Variants in SH2D1A observed in about 807,000 individuals in gnomAD.
The protein encoded by SH2D1A is SH2 domain containing 1A.
In SH2D1A, 6 loss-of-function variants were observed where a neutral mutation model predicts 10.1. That is an observed-to-expected ratio of 0.60 (90% CI 0.33 to 1.18). SH2D1A has a LOEUF of 1.18. Among genes scored for constraint, SH2D1A ranks in the 50% most tolerant of loss-of-function variants. SH2D1A has a pLI of 0.04. For missense variants in SH2D1A, 51 were observed against 97.6 expected (o/e 0.52, Z 2.01); for synonymous variants, 42 against 36.9 (o/e 1.14, Z -0.51).
At chrX:124,348,524 C>A (rs1327919297) in intron 1 of SH2D1A, among the ~76,000 whole-genome samples, 1 of 111,283 alleles carries the variant, frequency 9.0e-6, no homozygotes, top group Non-Finnish European at 1.9e-5. Flanking sequence ...TTCCTTCTGC[C>A]CAAAATACCT....
intron 1 of SH2D1A, among the ~76,000 whole-genome samples, chrX:124,358,286 C>CTT (rs1471745975): frequency 9.0e-6 from 1 of 111,440 alleles, no homozygotes; most frequent in East Asian, 2.8e-4. Context: ...GTATGAAAAT[C>CTT]TTTGTCAAAT....
At chrX:124,349,845 A>T (rs1184627383) in intron 1 of SH2D1A, among the ~76,000 whole-genome samples, 1 of 109,296 alleles carries the variant, frequency 9.1e-6, no homozygotes, top group Non-Finnish European at 1.9e-5. Context: ...ATTTCTTTCA[A>T]TTACTTTCTC....
chrX:124,348,954 C>T (rs2060000595), intron 1 of SH2D1A, among the ~76,000 whole-genome samples: 1 of 112,221 alleles, frequency 8.9e-6, no homozygotes, highest in Non-Finnish European at 1.9e-5. Flanking sequence ...GTGTATCCTA[C>T]CTTCTGCAAA....
At chrX:124,352,465 A>C (rs1197451821) in intron 1 of SH2D1A, among the ~76,000 whole-genome samples, 1 of 111,575 alleles carries the variant, frequency 9.0e-6, no homozygotes, top group Non-Finnish European at 1.9e-5. Flanking sequence ...CATTTTATTA[A>C]GTTAAAAAAA....
intron 2 of SH2D1A, among the ~76,000 whole-genome samples, chrX:124,369,765 T>G (rs1367364494): frequency 9.0e-6 from 1 of 111,215 alleles, no homozygotes; most frequent in African/African-American, 3.3e-5. Context: ...CTCAGGCTTT[T>G]TATTAATGAC....
At chrX:124,358,384 G>A (rs565829380) in intron 1 of SH2D1A, among the ~76,000 whole-genome samples, 4 of 111,982 alleles carry the variant, frequency 3.6e-5, no homozygotes, top group Admixed American at 9.5e-5. Flanking sequence ...TATAGGTCTC[G>A]TTATATAACT....
chrX:124,353,485 T>A (rs1260655900), intron 1 of SH2D1A, among the ~76,000 whole-genome samples: 2 of 106,916 alleles, frequency 1.9e-5, no homozygotes, highest in African/African-American at 6.8e-5. Flanking sequence ...ATGCAGATAG[T>A]TTTTTTTTTA....
chrX:124,371,278 TA>T, intron 3 of SH2D1A, 72 bp from the exon 4 acceptor site: 1 of 720,431 alleles, frequency 1.4e-6, no homozygotes, highest in Non-Finnish European at 2.1e-6. Context: ...GGAAATTTTA[TA>T]AGTTTGAGTT....
intron 1 of SH2D1A, among the ~76,000 whole-genome samples, chrX:124,365,541 C>CA (rs1449676611): frequency 1.8e-5 from 2 of 110,802 alleles, no homozygotes; most frequent in South Asian, 7.6e-4. Context: ...TTCCATATTT[C>CA]AAAAAATGAA....
In SH2D1A at chrX:124,371,785, G is replaced by T. The variant is rs2060069987; in HGVS notation, c.*394G>T. The stretch of plus-strand genomic sequence containing the variant: ...TAATTTTAAAATGTCTTGCTTGATT[G>T]TATGGTGGGAAGTTGGCTGGTGTCC... On this transcript the variant is annotated 3_prime_UTR_variant, in exon 4 of 4. Transcript: ENST00000371139. The T allele has an allele frequency of 1.2e-5, 2 of 167,215 alleles. No individual in the cohort carries two copies. Among genetic ancestry groups the T allele is most frequent in the African/African-American group, 3.0e-5 (1 of 32,919 alleles). The allele number at this position is 167,215 out of a possible 1,213,427, so 13.8% of individuals were successfully genotyped here.
Position 124,371,692 on chromosome X carries a change from A to C in SH2D1A, c.*301A>C, listed in dbSNP as rs1236861343. On this transcript the variant is annotated 3_prime_UTR_variant, in exon 4 of 4. Transcript: ENST00000371139. ...GGATTAATGTCAATTCTTGCCAAATATAAATAAAAATAATCCTCAGTTTTT... is the reference window on the plus strand; with the variant it reads ...GGATTAATGTCAATTCTTGCCAAATCTAAATAAAAATAATCCTCAGTTTTT... 1.6e-5 allele frequency: 3 copies of C among 191,414 alleles called. No homozygotes were observed. Among genetic ancestry groups the C allele is most frequent in the Admixed American group, 7.8e-5 (1 of 12,859 alleles). 15.8% of individuals were successfully genotyped at this position (191,414 alleles called of 1,213,427 possible).
intron 1 of SH2D1A, among the ~76,000 whole-genome samples, chrX:124,350,432 T>G (rs1173809275): frequency 3.4e-5 from 1 of 29,808 alleles, no homozygotes; most frequent in African/African-American, 1.3e-4. Context: ...TATTATATAC[T>G]ATATATAATA....
intron 1 of SH2D1A, among the ~76,000 whole-genome samples, chrX:124,356,859 T>G (rs1223374846): frequency 8.9e-6 from 1 of 112,363 alleles, no homozygotes; most frequent in African/African-American, 3.2e-5. Context: ...TATATATTTA[T>G]TTCTAAACTG....
rs1569527577 is a variant in SH2D1A at position 124,365,806 on chromosome X, A to G, written c.183A>G (p.Thr61=). 8.6e-7 allele frequency: 1 copy of G among 1,163,468 alleles called. No individual in the cohort carries two copies. Among genetic ancestry groups the G allele is most frequent in the East Asian group, 3.0e-5 (1 of 33,624 alleles). The stretch of plus-strand genomic sequence containing the variant: ...CATACCGAGTGTCCCAGACAGAAAC[A>G]GGTTCTTGGAGTGCTGAGGTATAGT... ...IYTYRVSQTE[T]GSWSAETAPG... Residue 61 remains threonine (T), a synonymous_variant, in exon 2 of 4, where the codon ACA becomes ACG. Coordinates refer to ENST00000371139, the MANE Select transcript of SH2D1A (RefSeq NM_002351.5).
intron 1 of SH2D1A, among the ~76,000 whole-genome samples, chrX:124,362,909 G>A (rs1428715220): frequency 9.0e-6 from 1 of 110,786 alleles, no homozygotes; most frequent in Non-Finnish European, 1.9e-5. Context: ...GATAGGATTG[G>A]GGGCCTTATT....
Position 124,371,417 on chromosome X carries a change from A to T in SH2D1A, c.*26A>T, listed in dbSNP as rs1240769541. On this transcript the variant is annotated 3_prime_UTR_variant, in exon 4 of 4. Transcript: ENST00000371139. ...AGAAAAATAAAACACCTTGTACTTTATTTTCTATAATTTAAATATATGCTA... is the reference window on the plus strand; with the variant it reads ...AGAAAAATAAAACACCTTGTACTTTTTTTTCTATAATTTAAATATATGCTA... 3.0e-6 allele frequency: 3 copies of T among 985,503 alleles called. No homozygotes were observed. Among genetic ancestry groups the T allele is most frequent in the Non-Finnish European group, 4.3e-6 (3 of 699,422 alleles). The allele number at this position is 985,503 out of a possible 1,213,427, so 81.2% of individuals were successfully genotyped here.
chrX:124,355,994 T>C (rs920294070), intron 1 of SH2D1A, among the ~76,000 whole-genome samples: 19 of 110,094 alleles, frequency 1.7e-4, no homozygotes, highest in Non-Finnish European at 3.4e-4. Context: ...ATGTGCCATG[T>C]TGGTGTGCTG....
chrX:124,351,038 AT>A (rs1190077566), intron 1 of SH2D1A, among the ~76,000 whole-genome samples: 2 of 89,604 alleles, frequency 2.2e-5, no homozygotes, highest in African/African-American at 4.2e-5. Context: ...AAATATATAT[AT>A]TTTATATATA....
chrX:124,364,100 C>A (rs1001578611), intron 1 of SH2D1A, among the ~76,000 whole-genome samples: 7 of 109,346 alleles, frequency 6.4e-5, no homozygotes, highest in Non-Finnish European at 9.5e-5. Context: ...CAGCCTCGGG[C>A]AGGTCCCTCA....
Sources: gnomAD v4.1 joint callset for allele counts (sites outside exome capture counted in the v4.1 genomes callset) on GRCh38, gnomAD v4.1.1 for gene constraint, MANE v1.5 for transcripts, NCBI Gene and HGNC (gene_info 2026-07-23, HGNC 2026-07-21) for gene names.